Variants in RPL22 observed in about 807,000 individuals in gnomAD.
RPL22 encodes the protein ribosomal protein L22, also known as large ribosomal subunit protein eL22.
A neutral mutation model predicts 16.2 loss-of-function variants in RPL22; 4 were observed. That is an observed-to-expected ratio of 0.25 (90% CI 0.12 to 0.57). The LOEUF is 0.57. Ranked by LOEUF, RPL22 falls within the 20% of genes least tolerant of loss-of-function variation. The probability of loss-of-function intolerance (pLI) is 0.92; values close to 1 mark genes in which losing one functional copy is unlikely to be tolerated. For synonymous variants in RPL22, 43 were observed against 54.8 expected (o/e 0.78, Z 0.95); for missense variants, 83 against 156.1 (o/e 0.53, Z 2.49).
At chr1:6,193,394 G>A (rs540162000) in intron 2 of RPL22, among the ~76,000 whole-genome samples, 4 of 150,534 alleles carry the variant, frequency 2.7e-5, no homozygotes, top group South Asian at 2.1e-4. Context: ...GCGCGATCTC[G>A]GCTCACTGCA....
At chr1:6,191,359 C>CAA (rs769446432) in intron 3 of RPL22, among the ~76,000 whole-genome samples, 924 of 31,618 alleles carry the variant, frequency 0.029, 18 homozygotes, top group Non-Finnish European at 0.035. Context: ...GACTCCGTCT[C>CAA]AAAAAAAAAA....
chr1:6,187,016 A>G (rs964980508), intron 3 of RPL22, among the ~76,000 whole-genome samples, 200 bp from the exon 4 acceptor site: 1 of 152,234 alleles, frequency 6.6e-6, no homozygotes, highest in Non-Finnish European at 1.5e-5. Context: ...CGGCAGTAAC[A>G]ATTAGAATAG....
In RPL22 at chr1:6,185,240, T is replaced by C. The variant is rs1489884160; in HGVS notation, c.*1432A>G. ...ATGACTTACTACATGGGAACATCAATGCAACAAGTAGAATTTGTAAACTCA... is the reference window on the plus strand; with the variant it reads ...ATGACTTACTACATGGGAACATCAACGCAACAAGTAGAATTTGTAAACTCA... On this transcript the variant is annotated 3_prime_UTR_variant, in exon 4 of 4. Transcript: ENST00000234875. The C allele has an allele frequency of 3.3e-5, 13 of 398,590 alleles. No individual in the cohort carries two copies. Among genetic ancestry groups the C allele is most frequent in the Non-Finnish European group, 4.9e-5 (11 of 225,992 alleles). The allele number at this position is 398,590 out of a possible 1,614,324, so 24.7% of individuals were successfully genotyped here. A position where few individuals can be genotyped will look rare whatever the true frequency, so the allele number is the denominator to read the frequency against.
In RPL22 at chr1:6,186,603, G is replaced by C. The variant is rs564318140; in HGVS notation, c.*69C>G. 4 of 1,085,544 alleles carry C rather than the reference G, an allele frequency of 3.7e-6. No individual in the cohort carries two copies. In the African/African-American group the frequency reaches 4.9e-5, roughly 13 times the overall value. 67.2% of individuals were successfully genotyped at this position (1,085,544 alleles called of 1,614,324 possible). A position where few individuals can be genotyped will look rare whatever the true frequency, so the allele number is the denominator to read the frequency against. On this transcript the variant is annotated 3_prime_UTR_variant, in exon 4 of 4. Transcript: ENST00000234875. ...TCAATCCACACTGCAGAGATACAAG[G>C]ATAAACCACCATTTTGGTTCCCAAG...
chr1:6,193,495 G>A (rs1457930042), intron 2 of RPL22, among the ~76,000 whole-genome samples: 1 of 152,054 alleles, frequency 6.6e-6, no homozygotes, highest in Non-Finnish European at 1.5e-5. Flanking sequence ...AGCTAATTTT[G>A]TATTTTTAGT....
At chr1:6,194,599 T>C (rs1667692265) in intron 2 of RPL22, among the ~76,000 whole-genome samples, 1 of 152,210 alleles carries the variant, frequency 6.6e-6, no homozygotes, top group African/African-American at 2.4e-5. Flanking sequence ...ACAAAATATG[T>C]TAACTGGCTG....
chr1:6,199,426 C>T, intron 1 of RPL22, 136 bp downstream of exon 1: 2 of 1,434,984 alleles, frequency 1.4e-6, no homozygotes, highest in Non-Finnish European at 1.8e-6. Flanking sequence ...GGCTCTGGCC[C>T]GCTCCGGCCG....
rs1667571668 is a variant in RPL22 at position 6,185,411 on chromosome 1, A to C, written c.*1261T>G. The stretch of plus-strand genomic sequence containing the variant: ...TCTGCTTCAAAGAAATTTGCATAGA[A>C]ATGGAAAAATGCCAGAGCCTTTAAC... On this transcript the variant is annotated 3_prime_UTR_variant, in exon 4 of 4. Coordinates refer to ENST00000234875, the MANE Select transcript of RPL22 (RefSeq NM_000983.4). 2.5e-6 allele frequency: 1 copy of C among 398,948 alleles called. No individual in the cohort carries two copies. Among genetic ancestry groups the C allele is most frequent in the Non-Finnish European group, 4.4e-6 (1 of 226,062 alleles). The allele number at this position is 398,948 out of a possible 1,614,324, so 24.7% of individuals were successfully genotyped here.
intron 2 of RPL22, among the ~76,000 whole-genome samples, chr1:6,196,076 A>T (rs1667715874): frequency 6.6e-6 from 1 of 152,228 alleles, no homozygotes; most frequent in African/African-American, 2.4e-5. Context: ...AAAACAAAGT[A>T]AATAAAATAA....
At chr1:6,192,891 T>C in intron 3 of RPL22, 39 bp downstream of exon 3, 1 of 1,597,044 alleles carries the variant, frequency 6.3e-7, no homozygotes, top group Non-Finnish European at 8.5e-7. Context: ...GGCTGGGCAC[T>C]GGGTGCACGC....
intron 2 of RPL22, among the ~76,000 whole-genome samples, chr1:6,193,818 T>C (rs965814793): frequency 6.6e-6 from 1 of 152,178 alleles, no homozygotes; most frequent in Non-Finnish European, 1.5e-5. Context: ...ACATACATAC[T>C]ATGAGACAAC....
chr1:6,197,920 C>A (rs1667741475), intron 1 of RPL22, 164 bp from the exon 2 acceptor site: 1 of 635,070 alleles, frequency 1.6e-6, no homozygotes, highest in Non-Finnish European at 2.8e-6. Context: ...TGCCTGAGTG[C>A]CAGAGGTATA....
Position 6,185,089 on chromosome 1 carries a change from A to G in RPL22, c.*1583T>C, listed in dbSNP as rs1473066069. The G allele has an allele frequency of 7.9e-6, 3 of 377,806 alleles. No individual in the cohort carries two copies. The highest frequency in any genetic ancestry group is 4.5e-5 in the Admixed American group (1 of 22,138). The allele number at this position is 377,806 out of a possible 1,614,324, so 23.4% of individuals were successfully genotyped here. ...GATCAAAACTCGATTACAAGAGTTC[A>G]AAAAGACATAGAAAACCAGTGAGTT... On this transcript the variant is annotated 3_prime_UTR_variant, in exon 4 of 4. Coordinates refer to ENST00000234875, the MANE Select transcript of RPL22 (RefSeq NM_000983.4).
At chr1:6,193,516 T>C (rs1667678625) in intron 2 of RPL22, among the ~76,000 whole-genome samples, 1 of 151,962 alleles carries the variant, frequency 6.6e-6, no homozygotes, top group African/African-American at 2.4e-5. Flanking sequence ...AGAGACGGGG[T>C]TTCTCCACGT....
chr1:6,196,444 A>AT (rs1309264559), intron 2 of RPL22, among the ~76,000 whole-genome samples: 4 of 152,232 alleles, frequency 2.6e-5, no homozygotes, highest in Non-Finnish European at 5.9e-5. Flanking sequence ...GCAATAAACT[A>AT]TAAGAGGTTA....
chr1:6,186,842 CA>C, intron 3 of RPL22, 26 bp from the exon 4 acceptor site: 1 of 1,610,200 alleles, frequency 6.2e-7, no homozygotes, highest in Non-Finnish European at 8.5e-7. Flanking sequence ...ACAAGAACTC[CA>C]CTAGACAGTT....
intron 3 of RPL22, among the ~76,000 whole-genome samples, chr1:6,191,536 G>A (rs1465964764): frequency 3.1e-4 from 47 of 151,514 alleles, no homozygotes; most frequent in Admixed American, 2.4e-3. Flanking sequence ...TTAGCCAGGC[G>A]CAGTGGCAGG....
At chr1:6,193,515 G>A (rs796646909) in intron 2 of RPL22, among the ~76,000 whole-genome samples, 5 of 152,088 alleles carry the variant, frequency 3.3e-5, no homozygotes, top group African/African-American at 1.2e-4. Flanking sequence ...TAGAGACGGG[G>A]TTTCTCCACG....
At chr1:6,187,624 A>C in intron 3 of RPL22, among the ~76,000 whole-genome samples, 1 of 150,990 alleles carries the variant, frequency 6.6e-6, no homozygotes, top group Non-Finnish European at 1.5e-5. Context: ...AAAAAAAAAA[A>C]AACAAAAAAA....
Sources: allele counts gnomAD v4.1 joint callset (sites outside exome capture counted in the v4.1 genomes callset), GRCh38; gene constraint gnomAD v4.1.1; transcripts MANE v1.5; gene names NCBI Gene and HGNC (gene_info 2026-07-23, HGNC 2026-07-21).